The following RYR3 variants were observed in gnomAD, a reference collection of about 807,000 sequenced individuals.
The protein encoded by RYR3 is ryanodine receptor 3.
In RYR3, 207 loss-of-function variants were observed where a neutral mutation model predicts 584.3. The ratio of observed to expected loss-of-function variants is 0.35; its 90% CI spans 0.32 to 0.40. The LOEUF (loss-of-function observed/expected upper bound fraction) is 0.40. Among genes scored for constraint, RYR3 ranks in the 10% least tolerant of loss-of-function variants. The probability of loss-of-function intolerance (pLI) is 1.00; values close to 1 mark genes in which losing one functional copy is unlikely to be tolerated. For missense variants in RYR3, 5,616 were observed against 6,089.2 expected, an observed-to-expected ratio of 0.92 and a Z score of 2.59; for synonymous variants, 2,416 against 2,248.5, an observed-to-expected ratio of 1.07 and a Z score of -2.11.
At chr15:33,699,357 T>C (rs2066122823) in intron 40 of RYR3, among the ~76,000 whole-genome samples, 1 of 149,334 alleles carries the variant, frequency 6.7e-6, no homozygotes, top group Admixed American at 6.7e-5. Flanking sequence ...CTCTCCTCTC[T>C]CTCTCATCTC....
At chr15:33,640,656 T>C (rs1375477698) in intron 27 of RYR3, among the ~76,000 whole-genome samples, 1 of 152,200 alleles carries the variant, frequency 6.6e-6, no homozygotes, top group Non-Finnish European at 1.5e-5. Flanking sequence ...AGAAAACCAG[T>C]ATGAGGCCTT....
In RYR3 at chr15:33,566,932, A is replaced by T; in HGVS notation, c.1268+133A>T. ...ACACCAGCAAAGAGTTTTACCATCAAGAGCTTGAGACTGAAACATATTTCC... is the reference window on the plus strand; with the variant it reads ...ACACCAGCAAAGAGTTTTACCATCATGAGCTTGAGACTGAAACATATTTCC... On this transcript the variant is annotated intron_variant, in intron 12 of 103. Transcript: ENST00000634891. 7.8e-6 allele frequency: 8 copies of T among 1,032,060 alleles called. No homozygotes were observed. The South Asian group carries it at 1.2e-4, about 15-fold the overall frequency. The allele number at this position is 1,032,060 out of a possible 1,614,324, so 63.9% of individuals were successfully genotyped here.
At chr15:33,443,873 G>A (rs1462143528) in intron 1 of RYR3, among the ~76,000 whole-genome samples, 7 of 152,212 alleles carry the variant, frequency 4.6e-5, no homozygotes, top group Non-Finnish European at 1.0e-4. Flanking sequence ...TTCAGCGTCT[G>A]TGTTGACAGT....
At chr15:33,639,902 A>C (rs959777656) in intron 27 of RYR3, among the ~76,000 whole-genome samples, 3 of 129,876 alleles carry the variant, frequency 2.3e-5, no homozygotes, top group African/African-American at 8.0e-5. Context: ...CCTCCAAGGC[A>C]AACCCTTTGC....
intron 67 of RYR3, among the ~76,000 whole-genome samples, chr15:33,791,210 G>T (rs546458540): frequency 1.3e-5 from 2 of 152,172 alleles, no homozygotes; most frequent in African/African-American, 4.8e-5. Context: ...TTGTCAGGTT[G>T]TTTCTTCACC....
chr15:33,348,316 G>C (rs1201625480), intron 1 of RYR3, among the ~76,000 whole-genome samples: 2 of 152,124 alleles, frequency 1.3e-5, no homozygotes, highest in Non-Finnish European at 2.9e-5. Context: ...CCTATAGCCT[G>C]TAGTCTTACA....
At chr15:33,841,103 G>C (rs1226551725) in intron 90 of RYR3, among the ~76,000 whole-genome samples, 1 of 152,146 alleles carries the variant, frequency 6.6e-6, no homozygotes, top group East Asian at 1.9e-4. Flanking sequence ...TGTAGTCACA[G>C]CTACTTGGGA....
At position 33,390,705 on chromosome 15, in the gene RYR3, A is replaced by T. The variant is rs558276046; in HGVS notation, c.51+79609A>T. 6.6e-6 allele frequency among the ~76,000 whole-genome samples: 1 copy of T among 152,116 alleles called. No individual in the cohort carries two copies. The highest frequency in any genetic ancestry group is 2.1e-4 in the South Asian group (1 of 4,820). ...TTCACTCTGCGTAGATTGTTTGCAC[A>T]AACAATGTGATTTATGCCGAACACC... On this transcript the variant is annotated intron_variant, in intron 1 of 103. Coordinates refer to ENST00000634891, the MANE Select transcript of RYR3 (RefSeq NM_001036.6). The surrounding 1 kb of genome is among the most constrained non-coding windows in gnomAD (Gnocchi z 4.2).
intron 16 of RYR3, among the ~76,000 whole-genome samples, chr15:33,592,809 G>A (rs964286058): frequency 6.6e-6 from 1 of 152,178 alleles, no homozygotes; most frequent in Non-Finnish European, 1.5e-5. Flanking sequence ...TCTGAGACAG[G>A]TCTTAGTTAA....
chr15:33,638,384 T>A (rs1448906808), intron 27 of RYR3, among the ~76,000 whole-genome samples: 1 of 152,136 alleles, frequency 6.6e-6, no homozygotes, highest in Non-Finnish European at 1.5e-5. Context: ...CCAAAGAAAG[T>A]CATTCTCTGG....
chr15:33,728,094 T>C (rs2068619292), intron 46 of RYR3, among the ~76,000 whole-genome samples: 1 of 152,242 alleles, frequency 6.6e-6, no homozygotes, highest in Admixed American at 6.5e-5. Flanking sequence ...ATATTAAACT[T>C]AATCTGTCTT....
chr15:33,450,100 A>AAAAAAAC (rs2046997726), intron 1 of RYR3, among the ~76,000 whole-genome samples: 1 of 149,306 alleles, frequency 6.7e-6, no homozygotes, highest in Non-Finnish European at 1.5e-5. Context: ...AAAAAAAAAA[A>AAAAAAAC]AAAAAAAAAA....
intron 1 of RYR3, among the ~76,000 whole-genome samples, chr15:33,407,696 G>T (rs1442072805): frequency 6.6e-6 from 1 of 152,146 alleles, no homozygotes; most frequent in Non-Finnish European, 1.5e-5. Context: ...TCAAAGTACT[G>T]CAGTAGAAAC....
In RYR3 at chr15:33,601,566, C is replaced by G; in HGVS notation, c.1922+14C>G. 2 of 1,613,540 alleles carry G rather than the reference C, an allele frequency of 1.2e-6. No homozygotes were observed. Among genetic ancestry groups the G allele is most frequent in the Admixed American group, 1.7e-5 (1 of 60,010 alleles). ...CGATGTAACCAGGTAAGGCCACCAC[C>G]ACCATTCCAAATGCCAAGCATAGTT... On this transcript the variant is annotated intron_variant, in intron 17 of 103. Coordinates refer to ENST00000634891, the MANE Select transcript of RYR3 (RefSeq NM_001036.6).
chr15:33,644,116 C>T (rs2061973500), intron 27 of RYR3, among the ~76,000 whole-genome samples, 195 bp from the exon 28 acceptor site: 2 of 152,156 alleles, frequency 1.3e-5, no homozygotes, highest in Non-Finnish European at 2.9e-5. Context: ...TTCCTATGTA[C>T]CATGGGCAGT....
chr15:33,690,524 G>A (rs528438835), intron 38 of RYR3, among the ~76,000 whole-genome samples: 100 of 152,130 alleles, frequency 6.6e-4, no homozygotes, highest in African/African-American at 2.0e-3. Context: ...ATTTAATCTC[G>A]TACATACCTG....
chr15:33,366,534 C>T (rs1202438811), intron 1 of RYR3, among the ~76,000 whole-genome samples: 1 of 152,214 alleles, frequency 6.6e-6, no homozygotes, highest in African/African-American at 2.4e-5. Context: ...AGCAGTGGTA[C>T]ATCTGAACAA....
Position 33,662,757 on chromosome 15 carries a change from G to A in RYR3, c.5227G>A (p.Val1743Ile). The change falls in exon 35 of 104, where the codon GTT becomes ATT. Residue 1743 changes from valine (V) to isoleucine (I), a missense_variant. Coordinates refer to ENST00000634891, the MANE Select transcript of RYR3 (RefSeq NM_001036.6). ...LVMGVFDDDD[V>I]RQILLLIDPS... is the part of the protein sequence containing the mutation. Reference sequence around the variant, plus strand: ...CATGGGCGTGTTTGATGATGATGATGTTCGGCAGATCCTCCTCCTGATTGA... The same window carrying A: ...CATGGGCGTGTTTGATGATGATGATATTCGGCAGATCCTCCTCCTGATTGA... 2 of 1,614,150 alleles carry A rather than the reference G, an allele frequency of 1.2e-6. No homozygotes were observed. Among genetic ancestry groups the A allele is most frequent in the Non-Finnish European group, 1.7e-6 (2 of 1,180,004 alleles).
At chr15:33,564,985 C>T (rs989987848) in intron 11 of RYR3, among the ~76,000 whole-genome samples, 1 of 152,120 alleles carries the variant, frequency 6.6e-6, no homozygotes, top group Non-Finnish European at 1.5e-5. Context: ...TCAAGAAAAA[C>T]CAATCGAGCA....
Sources: gnomAD v4.1 joint callset for allele counts (sites outside exome capture counted in the v4.1 genomes callset) on GRCh38, gnomAD v4.1.1 for gene constraint, Gnocchi (gnomAD v3.1) non-coding constraint, MANE v1.5 for transcripts, NCBI Gene and HGNC (gene_info 2026-07-23, HGNC 2026-07-21) for gene names.